The following CLVS1 variants were observed in gnomAD, a reference collection of about 807,000 sequenced individuals.
CLVS1 encodes the protein clavesin-1.
CLVS1 carries 10 observed loss-of-function variants against 33.1 expected under a neutral mutation model. The observed-to-expected ratio is 0.30, with a 90% CI of 0.19 to 0.51. The LOEUF (loss-of-function observed/expected upper bound fraction) is 0.51, where lower values mean the gene tolerates loss of function less well. CLVS1 is among the 20% of genes least tolerant of loss of function. The pLI is 0.97. For missense variants in CLVS1, 343 were observed against 433.4 expected, an observed-to-expected ratio of 0.79 and a Z score of 1.85; for synonymous variants, 163 against 166.1, an observed-to-expected ratio of 0.98 and a Z score of 0.14.
chr8:60,992,063 A>C, the CLVS1 span, among the ~76,000 whole-genome samples: 1 of 152,032 alleles, frequency 6.6e-6, no homozygotes, highest in Non-Finnish European at 1.5e-5. Context: ...CTGCTTCTTT[A>C]GGTTCCTGTT....
chr8:61,047,718 C>A, the CLVS1 span, among the ~76,000 whole-genome samples: 1 of 152,168 alleles, frequency 6.6e-6, no homozygotes, highest in African/African-American at 2.4e-5. Context: ...CGCATGTTCT[C>A]ACTCATAGGT....
At chr8:61,067,033 G>C (rs913921841) in intron 1 of CLVS1, among the ~76,000 whole-genome samples, 2 of 152,028 alleles carry the variant, frequency 1.3e-5, no homozygotes, top group Non-Finnish European at 2.9e-5. Flanking sequence ...AATGGGGGGG[G>C]AGGGCAATGA....
intron 2 of CLVS1, among the ~76,000 whole-genome samples, chr8:61,242,899 C>T (rs1050270862): frequency 6.7e-6 from 1 of 150,330 alleles, no homozygotes; most frequent in African/African-American, 2.4e-5. Flanking sequence ...CCTCTTTGAG[C>T]ATAGTAATAA....
chr8:61,481,175 A>G (rs1818179881), intron 5 of CLVS1, among the ~76,000 whole-genome samples: 1 of 152,140 alleles, frequency 6.6e-6, no homozygotes, highest in Non-Finnish European at 1.5e-5. Context: ...GCTAATGGAA[A>G]ATGTGCAGCT....
intron 5 of CLVS1, among the ~76,000 whole-genome samples, chr8:61,498,321 T>C (rs953733937): frequency 2.0e-5 from 3 of 152,196 alleles, no homozygotes; most frequent in African/African-American, 4.8e-5. Context: ...CCTTATCAGG[T>C]AGACTACTCT....
chr8:61,023,035 C>G, the CLVS1 span, among the ~76,000 whole-genome samples: 2 of 152,118 alleles, frequency 1.3e-5, no homozygotes, highest in Non-Finnish European at 2.9e-5. Context: ...AATGTTGCAG[C>G]GCCCGAATTT....
At chr8:61,398,696 C>A (rs1311713628) in intron 3 of CLVS1, among the ~76,000 whole-genome samples, 2 of 152,052 alleles carry the variant, frequency 1.3e-5, no homozygotes, top group East Asian at 3.9e-4. Context: ...AGATGCTCTC[C>A]CTCCTCCCCT....
chr8:61,069,632 T>C (rs1444547956), intron 1 of CLVS1, among the ~76,000 whole-genome samples: 3 of 152,164 alleles, frequency 2.0e-5, no homozygotes, highest in Non-Finnish European at 4.4e-5. Flanking sequence ...CTAGTTCACT[T>C]ACTGTTCTCA....
At chr8:61,206,707 G>C (rs1807851735) in intron 2 of CLVS1, among the ~76,000 whole-genome samples, 1 of 151,124 alleles carries the variant, frequency 6.6e-6, no homozygotes, top group African/African-American at 2.4e-5. Flanking sequence ...TCCTGCCTCA[G>C]CCTCCCGAGT....
At chr8:61,199,213 T>C (rs1227980588) in intron 2 of CLVS1, among the ~76,000 whole-genome samples, 1 of 152,090 alleles carries the variant, frequency 6.6e-6, no homozygotes, top group Non-Finnish European at 1.5e-5. Context: ...GATTTATGAC[T>C]AAGACTCCAA....
At chr8:61,135,615 A>C (rs1482695535) in intron 2 of CLVS1, among the ~76,000 whole-genome samples, 1 of 152,206 alleles carries the variant, frequency 6.6e-6, no homozygotes, top group African/African-American at 2.4e-5. Flanking sequence ...ACATCATGTG[A>C]GCCCTGCTGA....
intron 5 of CLVS1, among the ~76,000 whole-genome samples, chr8:61,473,514 G>T (rs1033526673): frequency 6.6e-6 from 1 of 152,102 alleles, no homozygotes; most frequent in Non-Finnish European, 1.5e-5. Flanking sequence ...TTGCAAATGA[G>T]TGCAATGAAT....
chr8:60,980,726 C>A, the CLVS1 span, among the ~76,000 whole-genome samples: 1 of 152,122 alleles, frequency 6.6e-6, no homozygotes, highest in South Asian at 2.1e-4. Context: ...GTGGAGGTTG[C>A]AGTGAGCCGT....
chr8:61,325,203 C>A (rs1171958906), intron 2 of CLVS1, among the ~76,000 whole-genome samples: 1 of 149,596 alleles, frequency 6.7e-6, no homozygotes, highest in Non-Finnish European at 1.5e-5. Flanking sequence ...TGTACACACA[C>A]ATACACACAC....
intron 1 of CLVS1, among the ~76,000 whole-genome samples, chr8:61,079,554 C>A (rs2129282200): frequency 6.6e-6 from 1 of 152,290 alleles, no homozygotes; most frequent in East Asian, 1.9e-4. Flanking sequence ...GAGCTAGAAA[C>A]CATGTTGCTG....
intron 1 of CLVS1, among the ~76,000 whole-genome samples, chr8:61,126,319 G>C (rs1357956952): frequency 6.6e-6 from 1 of 152,206 alleles, no homozygotes; most frequent in Non-Finnish European, 1.5e-5. Context: ...GGAGAAAGCA[G>C]ACATGTACTG....
chr8:61,066,674 C>A (rs1333864265), intron 1 of CLVS1, among the ~76,000 whole-genome samples: 1 of 152,122 alleles, frequency 6.6e-6, no homozygotes, highest in Non-Finnish European at 1.5e-5. Context: ...ACGGAGGTTG[C>A]CCTGAAAAAC....
chr8:61,443,297 A>G (rs1189023230), intron 3 of CLVS1, among the ~76,000 whole-genome samples: 1 of 152,240 alleles, frequency 6.6e-6, no homozygotes, highest in Non-Finnish European at 1.5e-5. Context: ...GGCAAGTCTA[A>G]GAACCTCTTG....
At chr8:60,989,283 C>T in the CLVS1 span, among the ~76,000 whole-genome samples, 5 of 152,024 alleles carry the variant, frequency 3.3e-5, no homozygotes, top group East Asian at 1.9e-4. Flanking sequence ...CGGGTTCAAG[C>T]GATTCTCCTG....
Sources: gnomAD v4.1 joint callset for allele counts (sites outside exome capture counted in the v4.1 genomes callset) on GRCh38, gnomAD v4.1.1 for gene constraint, MANE v1.5 for transcripts, NCBI Gene and HGNC (gene_info 2026-07-23, HGNC 2026-07-21) for gene names.